The following CFAP57 variants were observed in gnomAD, a reference collection of about 807,000 sequenced individuals.
The protein encoded by CFAP57 is cilia and flagella associated protein 57.
A neutral mutation model predicts 146.8 loss-of-function variants in CFAP57; 116 were observed. That is an observed-to-expected ratio of 0.79 (90% CI 0.68 to 0.92). The LOEUF is 0.92. CFAP57 is among the 40% of genes least tolerant of loss of function. CFAP57 has a pLI of 0.00. For missense variants in CFAP57, 1,377 were observed against 1,527.2 expected (o/e 0.90, Z 1.64); for synonymous variants, 518 against 552.8 (o/e 0.94, Z 0.88).
At chr1:43,177,121 G>A (rs1245462387) in intron 2 of CFAP57, 3 of 456,268 alleles carry the variant, frequency 6.6e-6, no homozygotes, top group South Asian at 1.5e-5. Flanking sequence ...GTTTCCTCAG[G>A]TTCATTCTGG....
rs1645272477 is a variant in CFAP57, at chr1:43,227,031, T to C, written c.2914T>C (p.Phe972Leu). ...LKKKNQELGKFKFVLDYKIKE... is the reference protein window; with the variant it reads ...LKKKNQELGKLKFVLDYKIKE... ...AAAGAAAAATCAAGAACTAGGGAAATTCAAGTTTGTGCTTGACTACAAAAT... is the reference window on the plus strand; with the variant it reads ...AAAGAAAAATCAAGAACTAGGGAAACTCAAGTTTGTGCTTGACTACAAAAT... The change falls in exon 18 of 23, where the codon TTC (phenylalanine) becomes CTC (leucine). Residue 972 changes from phenylalanine (F) to leucine (L), a missense_variant. By Grantham distance (22) the Phe-to-Leu change is conservative. Transcript: ENST00000372492. The C allele has an allele frequency of 1.3e-6, 2 of 1,536,716 alleles. No individual in the cohort carries two copies. Among genetic ancestry groups the C allele is most frequent in the Non-Finnish European group, 1.8e-6 (2 of 1,141,854 alleles).
At chr1:43,229,217 G>T (rs766866214) in intron 18 of CFAP57, among the ~76,000 whole-genome samples, 2 of 148,964 alleles carry the variant, frequency 1.3e-5, no homozygotes, top group Non-Finnish European at 3.0e-5. Context: ...TTTCAGGTCG[G>T]GTCCGTTGTT....
chr1:43,173,622 A>G (rs28412828), intron 2 of CFAP57, among the ~76,000 whole-genome samples: 30,747 of 152,178 alleles, frequency 0.2, 3,614 homozygotes, highest in Middle Eastern at 0.3. Flanking sequence ...TGAGATTCAC[A>G]CATCTCGATA....
intron 13 of CFAP57, among the ~76,000 whole-genome samples, chr1:43,220,090 ATAG>A (rs1187281083): frequency 1.3e-5 from 2 of 152,270 alleles, no homozygotes; most frequent in Non-Finnish European, 1.5e-5. Flanking sequence ...AATCTGATCT[ATAG>A]TAGTAAAATA....
At chr1:43,196,009 A>G (rs913769673) in intron 6 of CFAP57, among the ~76,000 whole-genome samples, 3 of 152,250 alleles carry the variant, frequency 2.0e-5, no homozygotes, top group Non-Finnish European at 4.4e-5. Context: ...ATCAGATGAG[A>G]TTTAGAATTG....
At chr1:43,191,302 T>C (rs187836872) in intron 6 of CFAP57, among the ~76,000 whole-genome samples, 66 of 152,110 alleles carry the variant, frequency 4.3e-4, no homozygotes, top group East Asian at 4.3e-3. Flanking sequence ...ATATTCCCTC[T>C]TTTGGCCGGG....
intron 4 of CFAP57, 45 bp from the exon 5 acceptor site, chr1:43,185,104 C>T (rs776413605): frequency 6.2e-7 from 1 of 1,602,862 alleles, no homozygotes; most frequent in Admixed American, 1.7e-5. Flanking sequence ...TTCATCTCCT[C>T]AAGATTGTCT....
Position 43,180,228 on chromosome 1 carries a change from T to TAC in CFAP57, c.158-1305_158-1304insCA, listed in dbSNP as rs1349035566. 3.5e-5 allele frequency among the ~76,000 whole-genome samples: 5 copies of TAC among 143,858 alleles called. No homozygotes were observed. The East Asian group carries it at 6.5e-4, about 19-fold the overall frequency. 94.4% of individuals were successfully genotyped at this position (143,858 alleles called of 152,430 possible). Reference sequence around the variant, plus strand: ...TCTCAAAAAATATATATATTTTATATATATATATATAAAATATATATACAC... The same window carrying TAC: ...TCTCAAAAAATATATATATTTTATATACATATATATATAAAATATATATACAC... On this transcript the variant is annotated intron_variant, in intron 2 of 22. Transcript: ENST00000372492.
At chr1:43,243,740 G>A (rs922808135) in intron 22 of CFAP57, among the ~76,000 whole-genome samples, 2 of 152,162 alleles carry the variant, frequency 1.3e-5, no homozygotes, top group Admixed American at 6.5e-5. Flanking sequence ...ATTTAAAAAA[G>A]CACTCTGTTT....
rs542965473 is a variant in CFAP57 at position 43,192,491 on chromosome 1, C to T, written c.1123-5062C>T. Among the ~76,000 whole-genome samples, 14 of 152,228 alleles carry T rather than the reference C, an allele frequency of 9.2e-5. No homozygotes were observed. The East Asian group carries it at 9.7e-4, about 11-fold the overall frequency. On this transcript the variant is annotated intron_variant, in intron 6 of 22. Coordinates refer to ENST00000372492, the MANE Select transcript of CFAP57 (RefSeq NM_001378189.1). ...ATACAAAATTAGCCAGGCGTGGTGG[C>T]GCATGCCTATAATCCCAGCTACTCA...
chr1:43,190,866 G>A (rs753373297), intron 6 of CFAP57, among the ~76,000 whole-genome samples: 45 of 151,964 alleles, frequency 3.0e-4, no homozygotes, highest in Non-Finnish European at 5.0e-4. Context: ...TTTCATATTA[G>A]TATATTCAAT....
At position 43,222,304 on chromosome 1, in the gene CFAP57, A is replaced by T. The variant is rs1645076862; in HGVS notation, c.2532+9A>T. The T allele has an allele frequency of 8.4e-6, 12 of 1,421,006 alleles. No individual in the cohort carries two copies. Among genetic ancestry groups the T allele is most frequent in the Non-Finnish European group, 1.0e-5 (11 of 1,083,482 alleles). The allele number at this position is 1,421,006 out of a possible 1,614,324, so 88.0% of individuals were successfully genotyped here. On this transcript the variant is annotated intron_variant, in intron 15 of 22. Transcript: ENST00000372492. ...CCACCCTTCTGGAAGAGGTACTCAC[A>T]GGAAGCCATGCTGTGCCTCCCTTTC... is the stretch of plus-strand genomic sequence containing the variant.
intron 2 of CFAP57, among the ~76,000 whole-genome samples, chr1:43,173,203 C>T (rs1782388): frequency 0.012 from 1,820 of 152,270 alleles, 14 homozygotes; most frequent in Non-Finnish European, 0.02. Context: ...CTGCCTTTGT[C>T]ATCACCAGAG....
At chr1:43,247,183 A>T (rs1646141808) in intron 22 of CFAP57, among the ~76,000 whole-genome samples, 1 of 152,230 alleles carries the variant, frequency 6.6e-6, no homozygotes, top group Admixed American at 6.5e-5. Flanking sequence ...GATTTTATAC[A>T]TATGCATACA....
At chr1:43,219,186 G>T (rs1481169327) in intron 12 of CFAP57, among the ~76,000 whole-genome samples, 196 bp from the exon 13 acceptor site, 1 of 152,138 alleles carries the variant, frequency 6.6e-6, no homozygotes, top group Non-Finnish European at 1.5e-5. Context: ...GATTTTTTGA[G>T]GATAGAGGAG....
At chr1:43,190,357 A>G (rs7414861) in intron 6 of CFAP57, among the ~76,000 whole-genome samples, 147,290 of 150,492 alleles carry the variant, frequency 0.98, 72,148 homozygotes, top group East Asian at 1. Context: ...TGCAAGCTCC[A>G]CCTACCGGGT....
In CFAP57 at chr1:43,215,438, G is replaced by A. The variant is rs1049276487; in HGVS notation, c.2091+22G>A. The A allele has an allele frequency of 2.6e-6, 4 of 1,546,124 alleles. No individual in the cohort carries two copies. The African/African-American group carries it at 4.1e-5, about 16-fold the overall frequency. ...AAAGGTAAGAACTGGATCTAATGAA[G>A]AGGGATATGGAATTACTTACCAGAC... is the stretch of plus-strand genomic sequence containing the variant. On this transcript the variant is annotated intron_variant, in intron 12 of 22. Transcript: ENST00000372492.
intron 22 of CFAP57, among the ~76,000 whole-genome samples, chr1:43,245,558 G>C (rs189506290): frequency 9.9e-5 from 15 of 151,764 alleles, no homozygotes; most frequent in Non-Finnish European, 1.9e-4. Context: ...CCCCCACCCC[G>C]ACCCAGAAGC....
chr1:43,199,441 A>T lies in CFAP57; in HGVS notation c.1480A>T (p.Ile494Phe). ...HLFAAVNGNV[I>F]HVYTTTSLEN... Reference sequence around the variant, plus strand: ...GTTTGCTGCAGTCAATGGAAATGTGATTCACGTTTACACCACCACGAGCCT... The same window carrying T: ...GTTTGCTGCAGTCAATGGAAATGTGTTTCACGTTTACACCACCACGAGCCT... Residue 494 changes from isoleucine to phenylalanine, a missense_variant, in exon 9 of 23, where the codon ATT becomes TTT. Coordinates refer to ENST00000372492, the MANE Select transcript of CFAP57 (RefSeq NM_001378189.1). 6.2e-7 allele frequency: 1 copy of T among 1,614,150 alleles called. No homozygotes were observed. The highest frequency in any genetic ancestry group is 8.5e-7 in the Non-Finnish European group (1 of 1,180,028).
Sources: allele counts gnomAD v4.1 joint callset (sites outside exome capture counted in the v4.1 genomes callset), GRCh38; gene constraint gnomAD v4.1.1; transcripts MANE v1.5; gene names NCBI Gene and HGNC (gene_info 2026-07-23, HGNC 2026-07-21).